DTD1: variants seen among roughly 807,000 people sequenced by gnomAD.
The protein encoded by DTD1 is D-aminoacyl-tRNA deacylase 1, also known as D-tyrosyl-tRNA deacylase 1 homolog.
Under a neutral mutation model 25.6 loss-of-function variants are expected in DTD1, and 13 were observed. The observed-to-expected ratio is 0.51, with a 90% CI of 0.33 to 0.81. DTD1 has a LOEUF of 0.81. DTD1 is among the 30% of genes least tolerant of loss of function. The pLI is 0.02. For synonymous variants in DTD1, 110 were observed against 103.6 expected (o/e 1.06, Z -0.37); for missense variants, 193 against 266.4 (o/e 0.72, Z 1.92).
intron 1 of DTD1, among the ~76,000 whole-genome samples, chr20:18,588,561 A>C (rs571888933): frequency 3.3e-5 from 5 of 152,190 alleles, no homozygotes; most frequent in Admixed American, 1.3e-4. Flanking sequence ...ACGTATTCCA[A>C]TTTTTATGGG....
At position 18,634,496 on chromosome 20, in the gene DTD1, C is replaced by T. The variant is rs190226847; in HGVS notation, c.477+6263C>T. Among the ~76,000 whole-genome samples the T allele has an allele frequency of 2.2e-3, 338 of 152,310 alleles. 1 individual carries two copies. The highest frequency in any genetic ancestry group is 3.7e-3 in the Non-Finnish European group (249 of 68,034). On this transcript the variant is annotated intron_variant, in intron 4 of 5. Transcript: ENST00000377452. The stretch of plus-strand genomic sequence containing the variant: ...AAGTATACATGTTTGAGTTAACGGA[C>T]GTGTTTATTGACAAATCACTGGGAT...
intron 5 of DTD1, among the ~76,000 whole-genome samples, chr20:18,744,655 A>AAACC (rs10632823): frequency 8.3e-6 from 1 of 119,936 alleles, no homozygotes. Flanking sequence ...AAAACAAAAA[A>AAACC]CAAGTGAAAG....
chr20:18,704,751 AC>A (rs1339958224), intron 4 of DTD1, among the ~76,000 whole-genome samples: 3 of 152,048 alleles, frequency 2.0e-5, no homozygotes, highest in African/African-American at 7.2e-5. Flanking sequence ...GACAGACCTC[AC>A]CCCAAAGAAT....
intron 5 of DTD1, among the ~76,000 whole-genome samples, chr20:18,755,429 C>T (rs917253842): frequency 2.6e-5 from 4 of 152,130 alleles, no homozygotes; most frequent in Admixed American, 2.0e-4. Context: ...CTCCCCCGAC[C>T]CCACAACAGG....
At chr20:18,693,447 A>C (rs968425613) in intron 4 of DTD1, among the ~76,000 whole-genome samples, 6 of 151,936 alleles carry the variant, frequency 3.9e-5, no homozygotes, top group Admixed American at 2.0e-4. Flanking sequence ...ACCTGAGGTC[A>C]GGAATTCGAG....
chr20:18,608,163 G>T (rs1568643945), intron 3 of DTD1, among the ~76,000 whole-genome samples: 1 of 151,908 alleles, frequency 6.6e-6, no homozygotes, highest in Non-Finnish European at 1.5e-5. Context: ...ATATAGAGTT[G>T]TTCGTGGTAT....
At chr20:18,700,968 G>T (rs1251229985) in intron 4 of DTD1, among the ~76,000 whole-genome samples, 1 of 152,204 alleles carries the variant, frequency 6.6e-6, no homozygotes, top group East Asian at 1.9e-4. Context: ...AGCTACTGCT[G>T]TTTTCCCATA....
intron 4 of DTD1, among the ~76,000 whole-genome samples, chr20:18,653,290 A>C (rs933034827): frequency 2.0e-4 from 30 of 152,204 alleles, no homozygotes; most frequent in African/African-American, 7.2e-4. Flanking sequence ...GCTGCTTGGG[A>C]GGCTGCAGTG....
chr20:18,597,623 A>G lies in DTD1; in HGVS notation c.370+1382A>G, dbSNP rs144565021. Among the ~76,000 whole-genome samples the G allele has an allele frequency of 7.9e-3, 1,201 of 152,304 alleles. 8 individuals carry two copies. The highest frequency in any genetic ancestry group is 0.014 in the Middle Eastern group (4 of 294). On this transcript the variant is annotated intron_variant, in intron 3 of 5. Transcript: ENST00000377452. ...GAACATTTTATGTAAATGGAATTAT[A>G]TAATGTGTGGTTTTGTTCCTGGCTT...
intron 3 of DTD1, among the ~76,000 whole-genome samples, chr20:18,616,731 C>T (rs962269122): frequency 6.6e-6 from 1 of 152,190 alleles, no homozygotes; most frequent in Admixed American, 6.5e-5. Flanking sequence ...TGCTTGGGCC[C>T]AGGAGTTCAA....
intron 4 of DTD1, among the ~76,000 whole-genome samples, chr20:18,645,923 G>T (rs767594780): frequency 3.9e-5 from 6 of 152,154 alleles, no homozygotes; most frequent in Non-Finnish European, 7.3e-5. Flanking sequence ...TAAGATTCTG[G>T]GCATAGTGTA....
Position 18,745,252 on chromosome 20 carries a change from A to C in DTD1, c.*19+981A>C, listed in dbSNP as rs1388232447. On this transcript the variant is annotated intron_variant, in intron 5 of 5. Coordinates refer to ENST00000377452, the MANE Select transcript of DTD1 (RefSeq NM_080820.6). ...TGGCATTTTATTCTTATTGTGGCTC[A>C]CTGTAGCACGGAGTCCACCTCCCTG... is the stretch of plus-strand genomic sequence containing the variant. Among the ~76,000 whole-genome samples, 3 of 152,146 alleles carry C rather than the reference A, an allele frequency of 2.0e-5. No homozygotes were observed. In the East Asian group the frequency reaches 5.8e-4, roughly 29 times the overall value.
chr20:18,623,455 T>A (rs2060744297), intron 3 of DTD1, among the ~76,000 whole-genome samples: 2 of 152,334 alleles, frequency 1.3e-5, no homozygotes, highest in Non-Finnish European at 1.5e-5. Flanking sequence ...TTTCCTGGTT[T>A]CTTATTTCAT....
At chr20:18,592,836 C>G (rs899018011) in intron 1 of DTD1, among the ~76,000 whole-genome samples, 1 of 152,050 alleles carries the variant, frequency 6.6e-6, no homozygotes. Flanking sequence ...GCGCCCGCCA[C>G]CATGCCCGGC....
At chr20:18,671,352 A>G (rs946951064) in intron 4 of DTD1, among the ~76,000 whole-genome samples, 4 of 152,240 alleles carry the variant, frequency 2.6e-5, no homozygotes, top group Non-Finnish European at 5.9e-5. Context: ...GATCCCTATG[A>G]TGAATGAATA....
At chr20:18,598,360 C>G (rs1008376118) in intron 3 of DTD1, among the ~76,000 whole-genome samples, 2 of 152,188 alleles carry the variant, frequency 1.3e-5, no homozygotes, top group African/African-American at 4.8e-5. Flanking sequence ...GCCACGTTTT[C>G]TTTATCCAGT....
chr20:18,691,297 C>A (rs1428796637), intron 4 of DTD1, among the ~76,000 whole-genome samples: 2 of 152,090 alleles, frequency 1.3e-5, no homozygotes, highest in Admixed American at 1.3e-4. Flanking sequence ...GATTGTTCTA[C>A]CAAAAAGACA....
At chr20:18,600,387 C>T (rs1333161518) in intron 3 of DTD1, among the ~76,000 whole-genome samples, 1 of 152,148 alleles carries the variant, frequency 6.6e-6, no homozygotes, top group African/African-American at 2.4e-5. Flanking sequence ...TGCCTTTGCT[C>T]CTTTGTCAAA....
At chr20:18,638,423 A>G (rs908119832) in intron 4 of DTD1, among the ~76,000 whole-genome samples, 3 of 152,202 alleles carry the variant, frequency 2.0e-5, no homozygotes, top group Admixed American at 1.3e-4. Context: ...GAAATCAAAC[A>G]GGGTTAGGTG....
Sources: gnomAD v4.1 joint callset for allele counts (sites outside exome capture counted in the v4.1 genomes callset) on GRCh38, gnomAD v4.1.1 for gene constraint, MANE v1.5 for transcripts, NCBI Gene and HGNC (gene_info 2026-07-23, HGNC 2026-07-21) for gene names.